The following FAM204A variants were observed in gnomAD, a reference collection of about 807,000 sequenced individuals.
FAM204A encodes the protein family with sequence similarity 204 member A, also known as protein FAM204A.
In FAM204A, 16 loss-of-function variants were observed where a neutral mutation model predicts 35.4. The ratio of observed to expected loss-of-function variants is 0.45; its 90% CI spans 0.31 to 0.69. The LOEUF (loss-of-function observed/expected upper bound fraction) is 0.69. Among genes scored for constraint, FAM204A ranks in the 30% least tolerant of loss-of-function variants. FAM204A has a pLI of 0.07. For synonymous variants in FAM204A, 76 were observed against 86.9 expected (o/e 0.88, Z 0.70); for missense variants, 240 against 265.7 (o/e 0.90, Z 0.67).
intron 6 of FAM204A, among the ~76,000 whole-genome samples, chr10:118,329,164 C>T (rs1394732102): frequency 6.6e-6 from 1 of 152,154 alleles, no homozygotes; most frequent in Admixed American, 6.5e-5. Flanking sequence ...CAACCCCTTG[C>T]TCCTATCTGA....
Position 118,309,726 on chromosome 10 carries a change from G to A in FAM204A, c.*1131C>T, listed in dbSNP as rs978851190. 2.6e-5 allele frequency: 4 copies of A among 152,156 alleles called. No homozygotes were observed. Among genetic ancestry groups the A allele is most frequent in the African/African-American group, 4.8e-5 (2 of 41,436 alleles). 9.4% of individuals were successfully genotyped at this position (152,156 alleles called of 1,614,324 possible). ...TCTTTTAAGGAGGAATGGGGAATGG[G>A]AGGAAAACCAAACAAATCAGTTCTT... On this transcript the variant is annotated 3_prime_UTR_variant, in exon 9 of 9. Transcript: ENST00000369183.
At chr10:118,337,875 T>G (rs1436846659) in intron 2 of FAM204A, among the ~76,000 whole-genome samples, 1 of 152,220 alleles carries the variant, frequency 6.6e-6, no homozygotes, top group African/African-American at 2.4e-5. Context: ...TATTACATTT[T>G]TATCATTTCT....
chr10:118,323,246 T>C (rs984505621), intron 7 of FAM204A, among the ~76,000 whole-genome samples: 5 of 152,032 alleles, frequency 3.3e-5, no homozygotes, highest in African/African-American at 1.2e-4. Flanking sequence ...CTAAGAACAA[T>C]AGGGCAGCCA....
At chr10:118,322,173 A>T (rs894923655) in intron 7 of FAM204A, 1 of 237,012 alleles carries the variant, frequency 4.2e-6, no homozygotes, top group African/African-American at 2.3e-5. Context: ...GTGGACACTA[A>T]AACAAACAGG....
chr10:118,325,561 T>C (rs1459942894), intron 7 of FAM204A, among the ~76,000 whole-genome samples: 1 of 152,080 alleles, frequency 6.6e-6, no homozygotes, highest in Non-Finnish European at 1.5e-5. Flanking sequence ...CTTTAATCTA[T>C]ATTGACATTA....
rs1416516447 is a variant in FAM204A at position 118,307,569 on chromosome 10, T to C, written c.*3288A>G. The C allele has an allele frequency of 6.6e-6, 1 of 152,206 alleles. No individual in the cohort carries two copies. Among genetic ancestry groups the C allele is most frequent in the South Asian group, 2.1e-4 (1 of 4,836 alleles). The allele number at this position is 152,206 out of a possible 1,614,324, so 9.4% of individuals were successfully genotyped here. On this transcript the variant is annotated 3_prime_UTR_variant, in exon 9 of 9. Coordinates refer to ENST00000369183, the MANE Select transcript of FAM204A (RefSeq NM_022063.3). ...AACTTTATCATCTCTTAAAAAATAATGTACAACTCTCATTTTGTTTAAACA... is the reference window on the plus strand; with the variant it reads ...AACTTTATCATCTCTTAAAAAATAACGTACAACTCTCATTTTGTTTAAACA...
intron 2 of FAM204A, among the ~76,000 whole-genome samples, chr10:118,339,595 G>A (rs1267963693): frequency 6.6e-6 from 1 of 152,194 alleles, no homozygotes; most frequent in South Asian, 2.1e-4. Context: ...TTATAGCCAA[G>A]TCCATATAAC....
At chr10:118,334,276 C>T (rs899610228) in intron 6 of FAM204A, among the ~76,000 whole-genome samples, 3 of 152,158 alleles carry the variant, frequency 2.0e-5, no homozygotes, top group Admixed American at 2.0e-4. Context: ...CGTAACATCA[C>T]TATCCACACC....
intron 7 of FAM204A, among the ~76,000 whole-genome samples, chr10:118,320,557 TACACAC>T (rs375393782): frequency 6.6e-6 from 1 of 150,904 alleles, no homozygotes; most frequent in African/African-American, 2.4e-5. Context: ...TTTATACACA[TACACAC>T]ACACACACAT....
rs1180352934 is a variant in FAM204A, at chr10:118,298,100, T to C, written c.*12757A>G. 3.9e-5 allele frequency: 6 copies of C among 152,182 alleles called. No homozygotes were observed. The highest frequency in any genetic ancestry group is 8.8e-5 in the Non-Finnish European group (6 of 68,044). 9.4% of individuals were successfully genotyped at this position (152,182 alleles called of 1,614,324 possible). On this transcript the variant is annotated 3_prime_UTR_variant, in exon 9 of 9. Coordinates refer to ENST00000369183, the MANE Select transcript of FAM204A (RefSeq NM_022063.3). Reference sequence around the variant, plus strand: ...GTATTCCATCCTCTGGGCAGCACACTACTGCCATCTCCTTTATCTTAAATG... The same window carrying C: ...GTATTCCATCCTCTGGGCAGCACACCACTGCCATCTCCTTTATCTTAAATG...
Position 118,311,095 on chromosome 10 carries a change from G to T in FAM204A, c.650+112C>A. ...TATAATCTGATAAACATTCAACGAA[G>T]AAAAAAATGTAAAATGAGTTAACAG... On this transcript the variant is annotated intron_variant, in intron 8 of 8. Transcript: ENST00000369183. 5 of 1,119,620 alleles carry T rather than the reference G, an allele frequency of 4.5e-6. No individual in the cohort carries two copies. In the South Asian group the frequency reaches 5.5e-5, roughly 12 times the overall value. 69.4% of individuals were successfully genotyped at this position (1,119,620 alleles called of 1,614,324 possible).
rs1026175013 is a variant in FAM204A, at chr10:118,301,030, C to G, written c.*9827G>C. On this transcript the variant is annotated 3_prime_UTR_variant, in exon 9 of 9. Coordinates refer to ENST00000369183, the MANE Select transcript of FAM204A (RefSeq NM_022063.3). ...CAGAGTTGCCATAGCTGGTGAGCAT[C>G]CACAGCCTACATTCAAACCCAAGTT... The G allele has an allele frequency of 2.0e-5, 3 of 152,202 alleles. No individual in the cohort carries two copies. Among genetic ancestry groups the G allele is most frequent in the Non-Finnish European group, 2.9e-5 (2 of 68,048 alleles). The allele number at this position is 152,202 out of a possible 1,614,324, so 9.4% of individuals were successfully genotyped here.
chr10:118,327,524 T>C (rs1846217655), intron 6 of FAM204A, among the ~76,000 whole-genome samples: 1 of 152,216 alleles, frequency 6.6e-6, no homozygotes, highest in South Asian at 2.1e-4. Flanking sequence ...ACGGATCTAA[T>C]GCTCACCACT....
intron 7 of FAM204A, among the ~76,000 whole-genome samples, chr10:118,316,884 G>T (rs1267222151): frequency 1.3e-5 from 2 of 151,976 alleles, no homozygotes; most frequent in Non-Finnish European, 2.9e-5. Flanking sequence ...AGAAGATGAT[G>T]TTCTACTGTT....
chr10:118,322,609 A>G (rs1260676854), intron 7 of FAM204A, among the ~76,000 whole-genome samples: 1 of 152,134 alleles, frequency 6.6e-6, no homozygotes, highest in Non-Finnish European at 1.5e-5. Context: ...ACTAGGAAAA[A>G]GAAGTTTCTT....
At chr10:118,315,962 G>C (rs1385296213) in intron 7 of FAM204A, among the ~76,000 whole-genome samples, 1 of 151,982 alleles carries the variant, frequency 6.6e-6, no homozygotes, top group Non-Finnish European at 1.5e-5. Flanking sequence ...GCAAAAAGTC[G>C]GCACAAATTA....
intron 7 of FAM204A, among the ~76,000 whole-genome samples, chr10:118,312,051 C>T (rs1845960947): frequency 6.6e-6 from 1 of 152,156 alleles, no homozygotes; most frequent in Admixed American, 6.5e-5. Context: ...TCCAGCCCTC[C>T]AGCTTTCAGT....
intron 2 of FAM204A, chr10:118,337,101 G>T: frequency 3.2e-6 from 1 of 309,178 alleles, no homozygotes; most frequent in Non-Finnish European, 4.7e-6. Context: ...TAATGGTCAA[G>T]TTCAAGATAA....
chr10:118,339,251 G>A (rs977934784), intron 2 of FAM204A, among the ~76,000 whole-genome samples: 1 of 152,176 alleles, frequency 6.6e-6, no homozygotes, highest in Non-Finnish European at 1.5e-5. Flanking sequence ...GCCCGTGTAA[G>A]CAGCAGCCCA....
Sources: gnomAD v4.1 joint callset for allele counts (sites outside exome capture counted in the v4.1 genomes callset) on GRCh38, gnomAD v4.1.1 for gene constraint, MANE v1.5 for transcripts, NCBI Gene and HGNC (gene_info 2026-07-23, HGNC 2026-07-21) for gene names.